Variants in MAP7D2 observed in about 807,000 individuals in gnomAD.
MAP7D2 encodes MAP7 domain-containing protein 2.
In MAP7D2, 33 loss-of-function variants were observed where a neutral mutation model predicts 63.5. The ratio of observed to expected loss-of-function variants is 0.52; its 90% CI spans 0.39 to 0.70. The LOEUF (loss-of-function observed/expected upper bound fraction) is 0.70, where lower values mean the gene tolerates loss of function less well. MAP7D2 is among the 30% of genes least tolerant of loss of function. MAP7D2 has a pLI of 0.00. For synonymous variants in MAP7D2, 224 were observed against 223.7 expected, an observed-to-expected ratio of 1.00 and a Z score of -0.01; for missense variants, 626 against 604.0, an observed-to-expected ratio of 1.04 and a Z score of -0.38.
intron 1 of MAP7D2, among the ~76,000 whole-genome samples, chrX:20,078,500 G>A (rs1438432361): frequency 8.9e-6 from 1 of 112,265 alleles, no homozygotes; most frequent in Non-Finnish European, 1.9e-5. Flanking sequence ...TTCCTACTGG[G>A]AAGCACGAAG....
chrX:20,014,634 A>G (rs1215824462), intron 12 of MAP7D2, among the ~76,000 whole-genome samples: 2 of 112,222 alleles, frequency 1.8e-5, no homozygotes, highest in South Asian at 3.7e-4. Flanking sequence ...AGACAAAGGC[A>G]TATCACGATA....
chrX:20,022,391 G>A (rs1233644629), intron 10 of MAP7D2, among the ~76,000 whole-genome samples: 1 of 111,343 alleles, frequency 9.0e-6, no homozygotes, highest in Admixed American at 9.5e-5. Context: ...GCTTGTTAAA[G>A]GACAGGAGAA....
In MAP7D2 at chrX:20,071,165, T is replaced by C. The variant is rs1042472957; in HGVS notation, c.131-6360A>G. ...GCCAGGCATCCTCTGCTCTGTGGAC[T>C]CACAGGCACTGTTTCCCACCTTAAT... On this transcript the variant is annotated intron_variant, in intron 1 of 16. Transcript: ENST00000379643. Among the ~76,000 whole-genome samples the C allele has an allele frequency of 4.5e-5, 5 of 112,358 alleles. No individual in the cohort carries two copies. In the South Asian group the frequency reaches 1.5e-3, roughly 33 times the overall value.
At chrX:20,103,093 C>G (rs980165043) in intron 1 of MAP7D2, among the ~76,000 whole-genome samples, 10 of 111,635 alleles carry the variant, frequency 9.0e-5, no homozygotes, top group African/African-American at 3.3e-4. Context: ...AATGCCCCCA[C>G]CAACCTCACT....
At chrX:20,052,229 G>A (rs778997958) in intron 5 of MAP7D2, among the ~76,000 whole-genome samples, 1 of 112,344 alleles carries the variant, frequency 8.9e-6, no homozygotes, top group Non-Finnish European at 1.9e-5. Flanking sequence ...TACTCTGAAA[G>A]GTATAAACAG....
chrX:20,041,332 G>A (rs1032116252), intron 8 of MAP7D2, among the ~76,000 whole-genome samples: 3 of 111,879 alleles, frequency 2.7e-5, no homozygotes, highest in African/African-American at 9.7e-5. Context: ...CAGAAAGGTT[G>A]CAATGAACTA....
At chrX:20,042,961 G>A (rs1426021755) in intron 7 of MAP7D2, among the ~76,000 whole-genome samples, 1 of 111,993 alleles carries the variant, frequency 8.9e-6, no homozygotes, top group Non-Finnish European at 1.9e-5. Context: ...AATTACAGGT[G>A]GGTGAAAATG....
intron 1 of MAP7D2, among the ~76,000 whole-genome samples, chrX:20,105,347 G>A (rs2066539933): frequency 9.0e-6 from 1 of 111,458 alleles, no homozygotes; most frequent in Non-Finnish European, 1.9e-5. Context: ...AGTCAACTCT[G>A]AAGGAATCAG....
Position 20,100,975 on chromosome X carries a change from C to T in MAP7D2, c.130+15775G>A, listed in dbSNP as rs183128794. Among the ~76,000 whole-genome samples the T allele has an allele frequency of 3.7e-3, 394 of 106,051 alleles. 3 individuals are homozygous for T. The highest frequency in any genetic ancestry group is 0.013 in the African/African-American group (366 of 28,838). 92.1% of individuals were successfully genotyped at this position (106,051 alleles called of 115,157 possible). A position where few individuals can be genotyped will look rare whatever the true frequency, so the allele number is the denominator to read the frequency against. On this transcript the variant is annotated intron_variant, in intron 1 of 16. Coordinates refer to ENST00000379643, the MANE Select transcript of MAP7D2 (RefSeq NM_001168465.2). ...GGCGGAGGTTGCGGTGAGCCGAGAT[C>T]GCACCACTGCACTCCAGCCTGGGCA...
intron 1 of MAP7D2, among the ~76,000 whole-genome samples, chrX:20,083,244 G>T (rs1045967252): frequency 8.9e-6 from 1 of 112,363 alleles, no homozygotes; most frequent in East Asian, 2.8e-4. Context: ...TTTGGTTCTG[G>T]GAAAGATTTG....
intron 3 of MAP7D2, among the ~76,000 whole-genome samples, chrX:20,057,190 A>G (rs1402146842): frequency 8.9e-6 from 1 of 112,864 alleles, no homozygotes; most frequent in Non-Finnish European, 1.9e-5. Context: ...CTTTGAGAAA[A>G]TTTTAATGCA....
At chrX:20,015,114 A>G (rs1469479541) in intron 12 of MAP7D2, 109 bp downstream of exon 12, 1 of 550,393 alleles carries the variant, frequency 1.8e-6, no homozygotes, top group African/African-American at 2.3e-5. Flanking sequence ...GTATCAATGA[A>G]CTTGACCTAA....
chrX:20,074,694 T>C (rs766506502), intron 1 of MAP7D2, among the ~76,000 whole-genome samples: 1 of 111,794 alleles, frequency 8.9e-6, no homozygotes, highest in South Asian at 3.7e-4. Flanking sequence ...CTAATTTTTC[T>C]TCAAAATGAA....
At chrX:20,072,403 C>T (rs890246132) in intron 1 of MAP7D2, among the ~76,000 whole-genome samples, 33 of 111,565 alleles carry the variant, frequency 3.0e-4, no homozygotes, top group African/African-American at 8.8e-4. Context: ...TGCCCTCTCT[C>T]GCCAACCCTC....
intron 8 of MAP7D2, among the ~76,000 whole-genome samples, chrX:20,036,224 A>G (rs1160386597): frequency 9.1e-6 from 1 of 110,284 alleles, no homozygotes; most frequent in African/African-American, 3.3e-5. Context: ...TATGTACACC[A>G]AACCCCTGTG....
chrX:20,080,766 T>C (rs764814166), intron 1 of MAP7D2, among the ~76,000 whole-genome samples: 3 of 111,034 alleles, frequency 2.7e-5, no homozygotes, highest in African/African-American at 6.6e-5. Context: ...ACTAGGAGCA[T>C]TAATTGAGAG....
intron 10 of MAP7D2, among the ~76,000 whole-genome samples, chrX:20,018,961 C>G (rs2073529581): frequency 9.0e-6 from 1 of 111,403 alleles, no homozygotes; most frequent in African/African-American, 3.3e-5. Context: ...CGTGGGCTAC[C>G]CCGAGCCTAC....
At chrX:20,105,753 G>C (rs2066549753) in intron 1 of MAP7D2, among the ~76,000 whole-genome samples, 1 of 111,268 alleles carries the variant, frequency 9.0e-6, no homozygotes, top group African/African-American at 3.3e-5. Context: ...TCCTGACCCC[G>C]ACCCCAACAC....
intron 10 of MAP7D2, among the ~76,000 whole-genome samples, chrX:20,021,704 C>A (rs1290696478): frequency 8.9e-6 from 1 of 112,297 alleles, no homozygotes; most frequent in East Asian, 2.8e-4. Context: ...TCTTTTAAAA[C>A]CAATTCCTTA....
Sources: allele counts gnomAD v4.1 joint callset (sites outside exome capture counted in the v4.1 genomes callset), GRCh38; gene constraint gnomAD v4.1.1; transcripts MANE v1.5; gene names NCBI Gene and HGNC (gene_info 2026-07-23, HGNC 2026-07-21).